TTN: variants seen among roughly 807,000 people sequenced by gnomAD.
TTN encodes the protein connectin.
Under a neutral mutation model 3,223.0 loss-of-function variants are expected in TTN, and 1,525 were observed. The ratio of observed to expected loss-of-function variants is 0.47; its 90% CI spans 0.45 to 0.49. The LOEUF is 0.49. Among genes scored for constraint, TTN ranks in the 20% least tolerant of loss-of-function variants. The pLI is 0.00. For synonymous variants in TTN, 14,094 were observed against 15,161.0 expected (o/e 0.93, Z 5.17); for missense variants, 40,786 against 43,424.0 (o/e 0.94, Z 5.40).
Position 178,781,407 on chromosome 2 carries a change from A to T in TTN, c.3381-144T>A, listed in dbSNP as rs565754491. On this transcript the variant is annotated intron_variant, in intron 20 of 362. Transcript: ENST00000589042. ...ACTAAGCTCCACAATAGATTATAAGATTGCTGAAAATTGAGAAAAATGCAA... is the reference window on the plus strand; with the variant it reads ...ACTAAGCTCCACAATAGATTATAAGTTTGCTGAAAATTGAGAAAAATGCAA... 1.7e-5 allele frequency: 15 copies of T among 908,264 alleles called. No homozygotes were observed. The South Asian group carries it at 2.4e-4, about 15-fold the overall frequency. 56.3% of individuals were successfully genotyped at this position (908,264 alleles called of 1,614,324 possible).
In TTN at chr2:178,612,482, G is replaced by T; in HGVS notation, c.50043C>A (p.Ser16681=). ...TTTCCACAATGTAGTTGGTGATGGG[G>T]GACCCTCCATCTTTCTCAGGAACTG... The part of the protein sequence containing the change: ...KWTVPEKDGG[S]PITNYIVEKR... The change falls in exon 266 of 363, where the codon TCC becomes TCA. Residue 16681 remains serine (S), a synonymous_variant. Transcript: ENST00000589042. 3.7e-6 allele frequency: 6 copies of T among 1,612,122 alleles called. No homozygotes were observed. Among genetic ancestry groups the T allele is most frequent in the Non-Finnish European group, 5.1e-6 (6 of 1,179,132 alleles).
At chr2:178,670,414 C>T (rs572397974) in intron 156 of TTN, 119 bp from the exon 157 acceptor site, 16 of 462,768 alleles carry the variant, frequency 3.5e-5, no homozygotes, top group African/African-American at 2.8e-4. Flanking sequence ...GCAGACAACA[C>T]TTTATCAAAT....
chr2:178,556,467 A>C (rs965956579), intron 330 of TTN: 4 of 222,192 alleles, frequency 1.8e-5, no homozygotes, highest in South Asian at 7.5e-5. Context: ...AAAAAAAAAA[A>C]ACCAAAAAAT....
Position 178,532,214 on chromosome 2 carries a change from T to C in TTN, c.104401A>G (p.Lys34801Glu). Residue 34801 changes from lysine to glutamate, a missense_variant, in exon 358 of 363, where the codon AAG (lysine) becomes GAG (glutamate). Physicochemically the swap from Lys to Glu is moderately conservative, Grantham distance 56 (BLOSUM62 1). Coordinates refer to ENST00000589042, the MANE Select transcript of TTN (RefSeq NM_001267550.2). ...ACTTCTCTTTGTCGCCTTGATTTCT[T>C]TCTAGACTTTTCCTCCTTTGACATG... ...DFMSKEEKSRKKSRRQREVTE... is the reference protein window; with the variant it reads ...DFMSKEEKSREKSRRQREVTE... 1 of 1,613,594 alleles carries C rather than the reference T, an allele frequency of 6.2e-7. No individual in the cohort carries two copies. Among genetic ancestry groups the C allele is most frequent in the Non-Finnish European group, 8.5e-7 (1 of 1,179,870 alleles).
intron 244 of TTN, 30 bp downstream of exon 244, chr2:178,621,810 A>G (rs374847447): frequency 1.2e-6 from 2 of 1,611,082 alleles, no homozygotes; most frequent in Non-Finnish European, 1.7e-6. Flanking sequence ...CCCAACACAT[A>G]TACTTCACAA....
chr2:178,548,531 G>C lies in TTN; in HGVS notation c.93095C>G (p.Ser31032Cys). ...AGGGGCATCCCACATCAATGTAGCA[G>C]ATCCCCGGGTCACATCTTTGAAGGT... ...PITFKDVTRGSATLMWDAPLL... is the reference protein window; with the variant it reads ...PITFKDVTRGCATLMWDAPLL... The change falls in exon 339 of 363, where the codon TCT (serine) becomes TGT (cysteine). Residue 31032 changes from serine (S) to cysteine (C), a missense_variant. By Grantham distance (112) the Ser-to-Cys change is moderately radical. Transcript: ENST00000589042. This position sits in a 1 kb window ranked among gnomAD's most constrained non-coding sequence, Gnocchi z 4.3. 1 of 1,613,904 alleles carries C rather than the reference G, an allele frequency of 6.2e-7. No individual in the cohort carries two copies. The highest frequency in any genetic ancestry group is 8.5e-7 in the Non-Finnish European group (1 of 1,179,816).
Position 178,681,133 on chromosome 2 carries a change from G to C in TTN, c.33286C>G (p.Arg11096Gly). ...EPKKVFEEKI[R>G]ISITKREKEQ... ...TTTTCACGTTTGGTAATTGAAATAC[G>C]TATTTTTTCCTCAAAAACTTTCTTT... The change falls in exon 138 of 363, where the codon CGT becomes GGT. Residue 11096 changes from arginine to glycine, a missense_variant. Transcript: ENST00000589042. 6.2e-7 allele frequency: 1 copy of C among 1,603,962 alleles called. No homozygotes were observed. Among genetic ancestry groups the C allele is most frequent in the Admixed American group, 1.7e-5 (1 of 57,886 alleles).
Position 178,651,889 on chromosome 2 carries a change from G to A in TTN, c.39374C>T (p.Pro13125Leu), listed in dbSNP as rs1035611173. 1.9e-6 allele frequency: 3 copies of A among 1,606,972 alleles called. No homozygotes were observed. The highest frequency in any genetic ancestry group is 2.2e-5 in the South Asian group (2 of 89,776). ...VVEEPEPAAPPQVTVPPKKPV... is the reference protein window; with the variant it reads ...VVEEPEPAAPLQVTVPPKKPV... Reference sequence around the variant, plus strand: ...GCAGCTTTCTTGCCATGTACCTTGTGGAGGCGCCGCTGGCTCTGGCTCTTC... The same window carrying A: ...GCAGCTTTCTTGCCATGTACCTTGTAGAGGCGCCGCTGGCTCTGGCTCTTC... Residue 13125 changes from proline (P) to leucine (L), a missense_variant, in exon 205 of 363, where the codon CCA becomes CTA. Coordinates refer to ENST00000589042, the MANE Select transcript of TTN (RefSeq NM_001267550.2).
chr2:178,635,088 G>T, intron 228 of TTN, 77 bp downstream of exon 228: 2 of 1,569,556 alleles, frequency 1.3e-6, no homozygotes, highest in South Asian at 1.2e-5. Context: ...AAAGCAACCC[G>T]AATCTAGGAT....
At position 178,635,683 on chromosome 2, in the gene TTN, G is replaced by C. The variant is rs747469275; in HGVS notation, c.41641C>G (p.Arg13881Gly). 16 of 1,601,424 alleles carry C rather than the reference G, an allele frequency of 1.0e-5. No individual in the cohort carries two copies. The highest frequency in any genetic ancestry group is 1.3e-5 in the Non-Finnish European group (15 of 1,173,732). Reference sequence around the variant, plus strand: ...CCCTTGGGTTTCACATGCTGGTCTCGTATAGGTTTCACCAGCCAATCTCTA... The same window carrying C: ...CCCTTGGGTTTCACATGCTGGTCTCCTATAGGTTTCACCAGCCAATCTCTA... Reference protein sequence around the residue: ...VIRDWLVKPIRDQHVKPKGTA... With the variant: ...VIRDWLVKPIGDQHVKPKGTA... Residue 13881 changes from arginine to glycine, a missense_variant, in exon 227 of 363, where the codon CGA (arginine) becomes GGA (glycine). Transcript: ENST00000589042.
chr2:178,692,094 C>T lies in TTN; in HGVS notation c.31684G>A (p.Glu10562Lys). ...TCTGGCACGGGTTTCTTGGGAACCT[C>T]AGGAACTTTAAAGATACAATTGTTG... ...KVEPPAPKVP[E>K]VPKKPVPEEK... Residue 10562 changes from glutamate to lysine, a missense_variant, in exon 121 of 363, where the codon GAG (glutamate) becomes AAG (lysine). Physicochemically the swap from Glu to Lys is moderately conservative, Grantham distance 56. Coordinates refer to ENST00000589042, the MANE Select transcript of TTN (RefSeq NM_001267550.2). 6.2e-7 allele frequency: 1 copy of T among 1,611,898 alleles called. No individual in the cohort carries two copies. Among genetic ancestry groups the T allele is most frequent in the Non-Finnish European group, 8.5e-7 (1 of 1,178,522 alleles).
chr2:178,792,251 T>G, intron 9 of TTN, 54 bp from the exon 10 acceptor site: 1 of 1,534,498 alleles, frequency 6.5e-7, no homozygotes, highest in Non-Finnish European at 8.8e-7. Context: ...AATGAAATAA[T>G]ATGGTGTTTA....
chr2:178,746,486 G>A, intron 47 of TTN: 1 of 1,612,920 alleles, frequency 6.2e-7, no homozygotes, highest in Non-Finnish European at 8.5e-7. Context: ...TTGAGGAGAA[G>A]GTGTTCTTGA....
In TTN at chr2:178,757,688, A is replaced by G; in HGVS notation, c.10532T>C (p.Val3511Ala). The G allele has an allele frequency of 6.2e-7, 1 of 1,613,838 alleles. No homozygotes were observed. Among genetic ancestry groups the G allele is most frequent in the African/African-American group, 1.3e-5 (1 of 75,030 alleles). The change falls in exon 45 of 363, where the codon GTA becomes GCA. Residue 3511 changes from valine (V) to alanine (A), a missense_variant. Val to Ala is a moderately conservative substitution (Grantham distance 64, BLOSUM62 0). Coordinates refer to ENST00000589042, the MANE Select transcript of TTN (RefSeq NM_001267550.2). ...TGTGGACTCCTCAAAATGGAAAACT[A>G]CATCTTTTGTTGGTAGAATTAGCTG... ...NQQLILPTKD[V>A]VFHFEESTGM...
At position 178,589,873 on chromosome 2, in the gene TTN, T is replaced by C. The variant is rs1216529341; in HGVS notation, c.61852A>G (p.Ile20618Val). The C allele has an allele frequency of 1.2e-6, 2 of 1,613,474 alleles. No homozygotes were observed. The highest frequency in any genetic ancestry group is 8.5e-7 in the Non-Finnish European group (1 of 1,179,616). The change falls in exon 304 of 363, where the codon ATT (isoleucine) becomes GTT (valine). Residue 20618 changes from isoleucine (I) to valine (V), a missense_variant. Coordinates refer to ENST00000589042, the MANE Select transcript of TTN (RefSeq NM_001267550.2). ...CGTTTAGTGACATCTGATGCAACAA[T>C]TGACCAGCCTTTCTGGTTTGGTTTG... ...YRKPNQKGWSIVASDVTKRLI... is the reference protein window; with the variant it reads ...YRKPNQKGWSVVASDVTKRLI...
rs1468593257 is a variant in TTN, at chr2:178,527,251, C to G, written c.107737G>C (p.Val35913Leu). Residue 35913 changes from valine to leucine, a missense_variant, in exon 363 of 363, where the codon GTT becomes CTT. Transcript: ENST00000589042. Reference protein sequence around the residue: ...PSDISIDEGKVLTVACAFTGE... With the variant: ...PSDISIDEGKLLTVACAFTGE... ...GTGAAAGCACAGGCTACTGTTAGAA[C>G]TTTGCCTTCATCAATGCTGATATCA... 6.2e-7 allele frequency: 1 copy of G among 1,613,080 alleles called. No individual in the cohort carries two copies. Among genetic ancestry groups the G allele is most frequent in the African/African-American group, 1.3e-5 (1 of 74,908 alleles).
Position 178,569,119 on chromosome 2 carries a change from A to G in TTN, c.77013T>C (p.Tyr25671=), listed in dbSNP as rs397517707. ...CATTCTCAGCTGTGACTCTAAAGTA[A>G]TAACTGCAACCTTCTTGGAGCTGAT... ...KIDQLQEGCS[Y]YFRVTAENEY... is the part of the protein sequence containing the mutation. Residue 25671 remains tyrosine (Y), a synonymous_variant, in exon 326 of 363, where the codon TAT becomes TAC. Transcript: ENST00000589042. 3 of 1,613,490 alleles carry G rather than the reference A, an allele frequency of 1.9e-6. No individual in the cohort carries two copies. Among genetic ancestry groups the G allele is most frequent in the Non-Finnish European group, 1.7e-6 (2 of 1,179,578 alleles).
intron 113 of TTN, 45 bp from the exon 114 acceptor site, chr2:178,696,314 C>T (rs1226440147): frequency 1.4e-6 from 2 of 1,418,506 alleles, no homozygotes; most frequent in Non-Finnish European, 9.2e-7. Flanking sequence ...TCTATCCATC[C>T]AACTGCTTCA....
chr2:178,586,381 C>T (rs776867221), intron 308 of TTN, 124 bp downstream of exon 308: 2 of 1,164,872 alleles, frequency 1.7e-6, no homozygotes, highest in Admixed American at 2.8e-5. Flanking sequence ...GTTTGAAAGC[C>T]ACTGTTCTCT....
Sources: gnomAD v4.1 joint callset for allele counts on GRCh38, gnomAD v4.1.1 for gene constraint, Gnocchi (gnomAD v3.1) non-coding constraint, MANE v1.5 for transcripts, NCBI Gene and HGNC (gene_info 2026-07-23, HGNC 2026-07-21) for gene names.